Variants in KIF1B observed in about 807,000 individuals in gnomAD.
The protein encoded by KIF1B is kinesin-like protein KIF1B.
KIF1B carries 76 observed loss-of-function variants against 241.9 expected under a neutral mutation model. The ratio of observed to expected loss-of-function variants is 0.31; its 90% confidence interval spans 0.26 to 0.38. The LOEUF is 0.38. Ranked by LOEUF, KIF1B falls within the 10% of genes least tolerant of loss-of-function variation. The probability of loss-of-function intolerance (pLI) is 1.00; values close to 1 mark genes in which losing one functional copy is unlikely to be tolerated. For synonymous variants in KIF1B, 750 were observed against 796.7 expected (o/e 0.94, Z 0.99); for missense variants, 1,622 against 2,271.4 (o/e 0.71, Z 5.81).
At chr1:10,319,134 GCT>G (rs1316793245) in intron 22 of KIF1B, among the ~76,000 whole-genome samples, 3 of 140,328 alleles carry the variant, frequency 2.1e-5, no homozygotes, top group African/African-American at 8.1e-5. Context: ...ACAGAGTCTC[GCT>G]CTGTCTCCAG....
intron 2 of KIF1B, among the ~76,000 whole-genome samples, chr1:10,239,491 A>C (rs1049475492): frequency 2.6e-5 from 4 of 151,812 alleles, no homozygotes; most frequent in Non-Finnish European, 4.4e-5. Flanking sequence ...TATTACAACT[A>C]GTTTTGTTGG....
At chr1:10,265,205 TTTATTTATTTATTTA>T (rs1370843335) in intron 5 of KIF1B, among the ~76,000 whole-genome samples, 7 of 30,596 alleles carry the variant, frequency 2.3e-4, no homozygotes, top group East Asian at 5.6e-4. Context: ...ATGGATTTTA[TTTATTTATTTATTTA>T]TTTATTTATT....
chr1:10,362,916 T>G (rs1048063743), intron 40 of KIF1B, among the ~76,000 whole-genome samples: 1 of 151,900 alleles, frequency 6.6e-6, no homozygotes, highest in African/African-American at 2.4e-5. Context: ...ACAAAAAAAC[T>G]TAAAAATTAG....
At chr1:10,212,890 GTATATATATATA>G (rs201066671) in intron 1 of KIF1B, among the ~76,000 whole-genome samples, 1,991 of 109,456 alleles carry the variant, frequency 0.018, 29 homozygotes, top group African/African-American at 0.028. Flanking sequence ...ATGCGTGTGT[GTATATATATATA>G]TATATATATA....
intron 1 of KIF1B, chr1:10,230,766 A>T (rs889871248): frequency 6.6e-6 from 1 of 152,056 alleles, no homozygotes; most frequent in East Asian, 1.9e-4. Context: ...ACTTACTTGG[A>T]TTCTTTTCAC....
Position 10,234,528 on chromosome 1 carries a change from C to CT in KIF1B, c.106+2105dup, listed in dbSNP as rs1011723253. On this transcript the variant is annotated intron_variant, in intron 2 of 48. Transcript: ENST00000676179. Reference sequence around the variant, plus strand: ...TGGCTGTTTTTTTTGTTTGTTTTTTCTTTTTTTTTTTGAGACAGGGTCTCT... The same window carrying CT: ...TGGCTGTTTTTTTTGTTTGTTTTTTCTTTTTTTTTTTTGAGACAGGGTCTCT... Among the ~76,000 whole-genome samples, 314 of 122,534 alleles carry CT rather than the reference C, an allele frequency of 2.6e-3. 1 individual carries two copies. Among genetic ancestry groups the CT allele is most frequent in the African/African-American group, 6.3e-3 (210 of 33,114 alleles). The allele number at this position is 122,534 out of a possible 152,430, so 80.4% of individuals were successfully genotyped here.
At chr1:10,215,138 T>TTTTA (rs1250198024) in intron 1 of KIF1B, among the ~76,000 whole-genome samples, 1 of 59,562 alleles carries the variant, frequency 1.7e-5, no homozygotes, top group Non-Finnish European at 2.8e-5. Context: ...TTTATATATT[T>TTTTA]TATATATATA....
chr1:10,231,522 G>A (rs140520332), intron 1 of KIF1B, among the ~76,000 whole-genome samples: 2,830 of 151,788 alleles, frequency 0.019, 41 homozygotes, highest in Non-Finnish European at 0.028. Flanking sequence ...TAGTAGCGGG[G>A]ATCACAGGCG....
chr1:10,241,888 A>G (rs942584513), intron 2 of KIF1B, among the ~76,000 whole-genome samples: 3 of 152,264 alleles, frequency 2.0e-5, no homozygotes, highest in Admixed American at 1.3e-4. Flanking sequence ...AATGGCAGCT[A>G]GCAAAGTCTG....
intron 15 of KIF1B, among the ~76,000 whole-genome samples, chr1:10,289,031 A>G (rs919959513): frequency 6.6e-6 from 1 of 152,214 alleles, no homozygotes; most frequent in African/African-American, 2.4e-5. Context: ...GAAGTGTTTG[A>G]TGAACTATAA....
In KIF1B at chr1:10,380,930, A is replaced by G. The variant is rs1490661349; in HGVS notation, c.*4343A>G. On this transcript the variant is annotated 3_prime_UTR_variant, in exon 49 of 49. Coordinates refer to ENST00000676179, the MANE Select transcript of KIF1B (RefSeq NM_001365951.3). Reference sequence around the variant, plus strand: ...ATTTGCTGCTGTTATTCAAAAGGCCATTTATGAAGTTAGTATTTGAGCCCC... The same window carrying G: ...ATTTGCTGCTGTTATTCAAAAGGCCGTTTATGAAGTTAGTATTTGAGCCCC... 4.6e-6 allele frequency: 1 copy of G among 219,148 alleles called. No homozygotes were observed. The highest frequency in any genetic ancestry group is 9.2e-6 in the Non-Finnish European group (1 of 109,066). The allele number at this position is 219,148 out of a possible 1,614,324, so 13.6% of individuals were successfully genotyped here.
chr1:10,314,369 AT>A (rs1215025403), intron 22 of KIF1B, among the ~76,000 whole-genome samples: 4 of 151,372 alleles, frequency 2.6e-5, no homozygotes, highest in Admixed American at 1.3e-4. Context: ...TGATGTTGAT[AT>A]TTTGACTATC....
chr1:10,270,787 G>A lies in KIF1B; in HGVS notation c.721-715G>A, dbSNP rs372941949. 4.8e-3 allele frequency among the ~76,000 whole-genome samples: 726 copies of A among 152,016 alleles called. 3 individuals carry two copies. The highest frequency in any genetic ancestry group is 7.7e-3 in the Non-Finnish European group (522 of 67,964). The stretch of plus-strand genomic sequence containing the variant: ...AAAATACAAAAAAAATTAGCTGGGC[G>A]TGGTGGTGGGCGCCTGTAAGCTCAG... On this transcript the variant is annotated intron_variant, in intron 7 of 48. Coordinates refer to ENST00000676179, the MANE Select transcript of KIF1B (RefSeq NM_001365951.3).
chr1:10,312,669 T>C (rs1651120315), intron 22 of KIF1B, among the ~76,000 whole-genome samples: 2 of 151,528 alleles, frequency 1.3e-5, no homozygotes, highest in Admixed American at 6.6e-5. Context: ...TTGCTGTTAC[T>C]ATGAATTTGA....
Position 10,380,833 on chromosome 1 carries a change from A to G in KIF1B, c.*4246A>G, listed in dbSNP as rs1159435854. The G allele has an allele frequency of 9.1e-6, 2 of 220,656 alleles. No homozygotes were observed. Among genetic ancestry groups the G allele is most frequent in the Non-Finnish European group, 1.8e-5 (2 of 110,004 alleles). 13.7% of individuals were successfully genotyped at this position (220,656 alleles called of 1,614,324 possible). On this transcript the variant is annotated 3_prime_UTR_variant, in exon 49 of 49. Coordinates refer to ENST00000676179, the MANE Select transcript of KIF1B (RefSeq NM_001365951.3). ...CAGTGATTCACCCCAGTGTGTGGCCAGACCATGACTGTGTAGCAGGAATGT... is the reference window on the plus strand; with the variant it reads ...CAGTGATTCACCCCAGTGTGTGGCCGGACCATGACTGTGTAGCAGGAATGT...
At chr1:10,308,423 T>C in intron 22 of KIF1B, 1 of 1,044,594 alleles carries the variant, frequency 9.6e-7, no homozygotes, top group African/African-American at 1.7e-5. Flanking sequence ...AAATGAAGTT[T>C]TGAATCTTCT....
chr1:10,276,798 C>T (rs555208001), intron 12 of KIF1B, among the ~76,000 whole-genome samples: 46 of 152,182 alleles, frequency 3.0e-4, no homozygotes, highest in Admixed American at 2.7e-3. Context: ...ATGCTGAAGT[C>T]GGCCAGGCGC....
intron 14 of KIF1B, among the ~76,000 whole-genome samples, chr1:10,280,572 G>C (rs1357970741): frequency 6.6e-6 from 1 of 152,094 alleles, no homozygotes; most frequent in Non-Finnish European, 1.5e-5. Flanking sequence ...CATGTAATGA[G>C]GCTTGGCAGA....
At chr1:10,258,360 G>A in intron 3 of KIF1B, 133 bp from the exon 4 acceptor site, 1 of 830,966 alleles carries the variant, frequency 1.2e-6, no homozygotes. Context: ...TTGTGTATAG[G>A]AGGCTTAAAA....
Sources: gnomAD v4.1 joint callset for allele counts (sites outside exome capture counted in the v4.1 genomes callset) on GRCh38, gnomAD v4.1.1 for gene constraint, MANE v1.5 for transcripts, NCBI Gene and HGNC (gene_info 2026-07-23, HGNC 2026-07-21) for gene names.